Variants in ADAMTS9 observed in about 807,000 individuals in gnomAD.
ADAMTS9 encodes the protein ADAM metallopeptidase with thrombospondin type 1 motif 9.
ADAMTS9 carries 107 observed loss-of-function variants against 257.1 expected under a neutral mutation model. The ratio of observed to expected loss-of-function variants is 0.42; its 90% CI spans 0.36 to 0.49. ADAMTS9 has a LOEUF of 0.49. Among genes scored for constraint, ADAMTS9 ranks in the 20% least tolerant of loss-of-function variants. The pLI is 0.03. For missense variants in ADAMTS9, 2,353 were observed against 2,469.1 expected, an observed-to-expected ratio of 0.95 and a Z score of 1.00; for synonymous variants, 982 against 880.9, an observed-to-expected ratio of 1.11 and a Z score of -2.03.
At chr3:64,593,960 G>GGT (rs1553707054) in intron 28 of ADAMTS9, among the ~76,000 whole-genome samples, 1 of 69,322 alleles carries the variant, frequency 1.4e-5, no homozygotes, top group Non-Finnish European at 3.1e-5. Flanking sequence ...GTGTGTGTAT[G>GGT]ATGTGTGTGT....
chr3:64,671,350 G>C (rs929075441), intron 3 of ADAMTS9, among the ~76,000 whole-genome samples: 2 of 152,052 alleles, frequency 1.3e-5, no homozygotes, highest in Non-Finnish European at 2.9e-5. Flanking sequence ...ACCAAAAACT[G>C]TTCTTTAACT....
chr3:64,640,067 A>T (rs1378063003), intron 12 of ADAMTS9, among the ~76,000 whole-genome samples: 1 of 152,196 alleles, frequency 6.6e-6, no homozygotes, highest in Non-Finnish European at 1.5e-5. Context: ...TAATATTTAA[A>T]AAACTAATTC....
intron 3 of ADAMTS9, 101 bp downstream of exon 3, chr3:64,681,100 A>G: frequency 3.0e-6 from 4 of 1,342,308 alleles, no homozygotes; most frequent in Non-Finnish European, 4.1e-6. Flanking sequence ...AATAATGCAT[A>G]TGGTTGCACT....
At position 64,622,232 on chromosome 3, in the gene ADAMTS9, A is replaced by T; in HGVS notation, c.2652T>A (p.His884Gln). The change falls in exon 18 of 40, where the codon CAT becomes CAA. Residue 884 changes from histidine to glutamine, a missense_variant. His to Gln is a conservative substitution (Grantham distance 24, BLOSUM62 0). This residue lies in a region of ADAMTS9 where 1,402 missense variants were observed against 1,441.4 expected (regional missense o/e 0.97). Transcript: ENST00000498707. ...DKPQQFYWNS[H>Q]GPWQACSKPC... ...GTTTACTGCATGCTTGCCATGGCCC[A>T]TGACTGTTCCAGTAAAACTGCTGAG... is the stretch of plus-strand genomic sequence containing the variant. The T allele has an allele frequency of 6.2e-7, 1 of 1,613,950 alleles. No homozygotes were observed. Among genetic ancestry groups the T allele is most frequent in the East Asian group, 2.2e-5 (1 of 44,880 alleles).
intron 28 of ADAMTS9, among the ~76,000 whole-genome samples, chr3:64,578,962 A>G (rs1316912156): frequency 6.6e-6 from 1 of 152,128 alleles, no homozygotes; most frequent in Admixed American, 6.6e-5. Flanking sequence ...TTCCTCCTGT[A>G]CCCTCTGCTA....
intron 33 of ADAMTS9, 84 bp from the exon 34 acceptor site, chr3:64,541,704 A>G: frequency 6.4e-7 from 1 of 1,553,396 alleles, no homozygotes; most frequent in Non-Finnish European, 8.8e-7. Context: ...CATTGTTCGC[A>G]CTAAAACTTT....
At chr3:64,659,727 CGA>C (rs1559816101) in intron 3 of ADAMTS9, among the ~76,000 whole-genome samples, 1 of 152,046 alleles carries the variant, frequency 6.6e-6, no homozygotes, top group East Asian at 1.9e-4. Flanking sequence ...AATTAAACTC[CGA>C]GAGTCTGGGC....
intron 38 of ADAMTS9, among the ~76,000 whole-genome samples, chr3:64,522,922 G>A (rs1015061009): frequency 2.0e-5 from 3 of 152,022 alleles, no homozygotes; most frequent in African/African-American, 7.2e-5. Context: ...TGACACTATA[G>A]CTGTGCTAAA....
At chr3:64,570,715 A>G (rs2106692872) in intron 28 of ADAMTS9, among the ~76,000 whole-genome samples, 1 of 151,766 alleles carries the variant, frequency 6.6e-6, no homozygotes, top group East Asian at 1.9e-4. Flanking sequence ...AAAAAAAAAA[A>G]AAAAAAAGAT....
intron 26 of ADAMTS9, among the ~76,000 whole-genome samples, chr3:64,600,662 T>C (rs2084443675): frequency 6.6e-6 from 1 of 152,212 alleles, no homozygotes. Flanking sequence ...TTCTCAGAAC[T>C]GAAATCTCTT....
chr3:64,594,652 C>T (rs2084328134), intron 27 of ADAMTS9, among the ~76,000 whole-genome samples: 2 of 152,200 alleles, frequency 1.3e-5, no homozygotes, highest in African/African-American at 4.8e-5. Context: ...TTTCTCTTAA[C>T]TTGCACTGAG....
Position 64,658,665 on chromosome 3 carries a change from T to C in ADAMTS9, c.806A>G (p.Tyr269Cys), listed in dbSNP as rs201142956. The change falls in exon 4 of 40, where the codon TAT becomes TGT. Residue 269 changes from tyrosine to cysteine, a missense_variant. Physicochemically the swap from Tyr to Cys is radical, Grantham distance 194 (BLOSUM62 -2). Transcript: ENST00000498707. ...TCTTGTGTTGTCCGTCTTATTACCA[T>C]AAGCAGAAAATGCCTCTGTTGCTAA... ...SGLATEAFSA[Y>C]GNKTDNTREK... The C allele has an allele frequency of 1.3e-5, 21 of 1,614,004 alleles. No homozygotes were observed. The Admixed American group carries it at 3.2e-4, about 24-fold the overall frequency.
Position 64,546,829 on chromosome 3 carries a change from G to A in ADAMTS9, c.4993C>T (p.Pro1665Ser), listed in dbSNP as rs555131412. The change falls in exon 32 of 40, where the codon CCC becomes TCC. Residue 1665 changes from proline to serine, a missense_variant. Pro to Ser is a moderately conservative substitution (Grantham distance 74). This residue lies in a region of ADAMTS9 where 1,402 missense variants were observed against 1,441.4 expected (regional missense o/e 0.97). Coordinates refer to ENST00000498707, the MANE Select transcript of ADAMTS9 (RefSeq NM_182920.2). ...CTCAGGTAACAGGGGTGAACACTGG[G>A]GGGCTGCGTGCCTGGGCAGTTGATG... Reference protein sequence around the residue: ...TTINCPGTQPPSVHPCYLRDC... With the variant: ...TTINCPGTQPSSVHPCYLRDC... The A allele has an allele frequency of 3.7e-6, 6 of 1,614,134 alleles. No individual in the cohort carries two copies. In the African/African-American group the frequency reaches 4.0e-5, roughly 11 times the overall value.
intron 28 of ADAMTS9, chr3:64,582,469 T>A (rs938750801): frequency 1.3e-5 from 2 of 152,256 alleles, no homozygotes; most frequent in South Asian, 2.1e-4. Flanking sequence ...GGACTTAGTA[T>A]CAAATATGTC....
rs757461093 is a variant in ADAMTS9 at position 64,687,560 on chromosome 3, C to T, written c.98G>A (p.Arg33Lys). ...CTGGTTACCTTGCCTCGGGTGCAGC[C>T]TGTCCTTGCGCACGGCCGCCGCGGC... Reference protein sequence around the residue: ...PDAAAAVRKDRLHPRQVKLLE... With the variant: ...PDAAAAVRKDKLHPRQVKLLE... The change falls in exon 1 of 40, where the codon AGG becomes AAG. Residue 33 changes from arginine to lysine, a missense_variant. By Grantham distance (26) the Arg-to-Lys change is conservative. Coordinates refer to ENST00000498707, the MANE Select transcript of ADAMTS9 (RefSeq NM_182920.2). The surrounding 1 kb of genome is among the most constrained non-coding windows in gnomAD (Gnocchi z 4.4). 2 of 1,556,692 alleles carry T rather than the reference C, an allele frequency of 1.3e-6. No individual in the cohort carries two copies. Among genetic ancestry groups the T allele is most frequent in the East Asian group, 4.8e-5 (2 of 41,790 alleles).
In ADAMTS9 at chr3:64,561,635, G is replaced by A. The variant is rs1367009087; in HGVS notation, c.4641C>T (p.Arg1547=). ...GGGGACACCGTGGGCCTTGGCAGTC[G>A]CGTTCCGACTCCGGTCTGGTGTATG... ...CNPYTRPESE[R]DCQGPRCPLY... Residue 1547 remains arginine (R), a synonymous_variant, in exon 30 of 40, where the codon CGC becomes CGT. Transcript: ENST00000498707. The A allele has an allele frequency of 4.3e-6, 7 of 1,613,952 alleles. No individual in the cohort carries two copies. Among genetic ancestry groups the A allele is most frequent in the East Asian group, 2.2e-5 (1 of 44,854 alleles).
At chr3:64,557,044 C>G (rs535556196) in intron 30 of ADAMTS9, among the ~76,000 whole-genome samples, 1 of 152,012 alleles carries the variant, frequency 6.6e-6, no homozygotes, top group Non-Finnish European at 1.5e-5. Context: ...CAGTAATCTG[C>G]GTGTGTTGTG....
At chr3:64,561,814 T>TG in intron 29 of ADAMTS9, 63 bp from the exon 30 acceptor site, 1 of 932,340 alleles carries the variant, frequency 1.1e-6, no homozygotes. Flanking sequence ...GGGCGGGGGG[T>TG]GTCGAGGGTC....
chr3:64,559,907 A>T (rs1386316322), intron 30 of ADAMTS9, among the ~76,000 whole-genome samples: 1 of 152,208 alleles, frequency 6.6e-6, no homozygotes, highest in African/African-American at 2.4e-5. Flanking sequence ...GTTTAGCGTG[A>T]CACAAAGAGG....
Sources: gnomAD v4.1 joint callset for allele counts (sites outside exome capture counted in the v4.1 genomes callset) on GRCh38, gnomAD v4.1.1 for gene constraint, gnomAD v4.1.1 regional missense constraint, Gnocchi (gnomAD v3.1) non-coding constraint, MANE v1.5 for transcripts, NCBI Gene and HGNC (gene_info 2026-07-23, HGNC 2026-07-21) for gene names.